Variants in RNF220 observed in about 807,000 individuals in gnomAD.
RNF220 encodes the protein E3 ubiquitin-protein ligase RNF220.
A neutral mutation model predicts 67.1 loss-of-function variants in RNF220; 7 were observed. The observed-to-expected ratio is 0.10, with a 90% CI of 0.06 to 0.20. RNF220 has a LOEUF of 0.20. Among genes scored for constraint, RNF220 ranks in the 10% least tolerant of loss-of-function variants. The pLI is 1.00. For synonymous variants in RNF220, 270 were observed against 283.2 expected (o/e 0.95, Z 0.47); for missense variants, 565 against 740.3 (o/e 0.76, Z 2.75).
At position 44,454,386 on chromosome 1, in the gene RNF220, A is replaced by G. The variant is rs138524626; in HGVS notation, c.625+41664A>G. 2.9e-3 allele frequency among the ~76,000 whole-genome samples: 447 copies of G among 152,250 alleles called. 3 individuals are homozygous for G. Among genetic ancestry groups the G allele is most frequent in the Middle Eastern group, 0.014 (4 of 294 alleles). On this transcript the variant is annotated intron_variant, in intron 2 of 14. Transcript: ENST00000361799. ...GTATACTGGAAAATCATGGAATTTC[A>G]TGTAGATTTTCATTTCTTTAAGAGT...
At chr1:44,530,030 G>T (rs1339769451) in intron 2 of RNF220, among the ~76,000 whole-genome samples, 1 of 151,082 alleles carries the variant, frequency 6.6e-6, no homozygotes, top group Non-Finnish European at 1.5e-5. Flanking sequence ...CTCCAGCCTG[G>T]GTGACAGAGT....
chr1:44,512,851 G>A (rs1362169297), intron 2 of RNF220, among the ~76,000 whole-genome samples: 1 of 152,138 alleles, frequency 6.6e-6, no homozygotes. Context: ...CTTCGGCAGC[G>A]AGTTTCCCAA....
intron 2 of RNF220, among the ~76,000 whole-genome samples, chr1:44,431,637 T>G (rs755716708): frequency 6.6e-6 from 1 of 152,274 alleles, no homozygotes; most frequent in African/African-American, 2.4e-5. Flanking sequence ...TCTATGAAAC[T>G]TTTTCTCCAC....
intron 2 of RNF220, among the ~76,000 whole-genome samples, chr1:44,493,306 G>T (rs1289330233): frequency 2.0e-5 from 3 of 152,168 alleles, no homozygotes; most frequent in Non-Finnish European, 4.4e-5. Flanking sequence ...ACGAGGTCAG[G>T]AGTTCGAGGC....
chr1:44,583,612 A>G (rs1665479659), intron 2 of RNF220, among the ~76,000 whole-genome samples: 1 of 152,266 alleles, frequency 6.6e-6, no homozygotes, highest in Admixed American at 6.5e-5. Context: ...AAAAGAATCA[A>G]AGAACATCAC....
At chr1:44,520,972 T>C (rs1035089021) in intron 2 of RNF220, among the ~76,000 whole-genome samples, 1 of 152,242 alleles carries the variant, frequency 6.6e-6, no homozygotes, top group African/African-American at 2.4e-5. Context: ...CATAGCTAGC[T>C]GTAACCTCAA....
At chr1:44,510,272 A>G (rs1572721906) in intron 2 of RNF220, among the ~76,000 whole-genome samples, 5 of 133,994 alleles carry the variant, frequency 3.7e-5, no homozygotes, top group Non-Finnish European at 3.2e-5. Context: ...GAGAGGAGGG[A>G]GGGAGGGAGA....
chr1:44,468,354 A>G (rs1654469910), intron 2 of RNF220, among the ~76,000 whole-genome samples: 1 of 152,096 alleles, frequency 6.6e-6, no homozygotes, highest in African/African-American at 2.4e-5. Flanking sequence ...CTGTACTGAT[A>G]TGGAAAGGTC....
At position 44,589,559 on chromosome 1, in the gene RNF220, A is replaced by G. The variant is rs270718; in HGVS notation, c.626-24606A>G. ...AACCCAGGAGGAGGAGCTTGCAGTG[A>G]GCTGAGATCATGCCACTGCACTCCA... is the stretch of plus-strand genomic sequence containing the variant. On this transcript the variant is annotated intron_variant, in intron 2 of 14. Transcript: ENST00000361799. Among the ~76,000 whole-genome samples, 583 of 136,464 alleles carry G rather than the reference A, an allele frequency of 4.3e-3. 2 individuals are homozygous for G. Among genetic ancestry groups the G allele is most frequent in the African/African-American group, 0.015 (559 of 37,378 alleles). 89.5% of individuals were successfully genotyped at this position (136,464 alleles called of 152,430 possible).
chr1:44,639,345 C>G (rs536196246), intron 8 of RNF220, among the ~76,000 whole-genome samples: 182 of 152,314 alleles, frequency 1.2e-3, no homozygotes, highest in South Asian at 3.5e-3. Context: ...GAGAGTTCAC[C>G]CAACTGCATT....
At position 44,622,394 on chromosome 1, in the gene RNF220, G is replaced by A. The variant is rs543960406; in HGVS notation, c.759-348G>A. Among the ~76,000 whole-genome samples the A allele has an allele frequency of 3.5e-4, 54 of 152,360 alleles. No homozygotes were observed. The highest frequency in any genetic ancestry group is 1.2e-3 in the African/African-American group (51 of 41,584). ...AGGAGCTAAGAGCGGGCTGGGAACAGGGGGTGGAGAGAAGGGGGTCTCCAG... is the reference window on the plus strand; with the variant it reads ...AGGAGCTAAGAGCGGGCTGGGAACAAGGGGTGGAGAGAAGGGGGTCTCCAG... On this transcript the variant is annotated intron_variant, in intron 3 of 14. Coordinates refer to ENST00000361799, the MANE Select transcript of RNF220 (RefSeq NM_018150.4). The surrounding 1 kb of genome is among the most constrained non-coding windows in gnomAD (Gnocchi z 4.3).
At chr1:44,470,848 G>C (rs1249753279) in intron 2 of RNF220, among the ~76,000 whole-genome samples, 1 of 152,052 alleles carries the variant, frequency 6.6e-6, no homozygotes, top group African/African-American at 2.4e-5. Flanking sequence ...TCAAAAGCTT[G>C]CTGGAAGGAT....
chr1:44,501,683 G>A (rs955523339), intron 2 of RNF220, among the ~76,000 whole-genome samples: 5 of 152,078 alleles, frequency 3.3e-5, no homozygotes, highest in Admixed American at 6.5e-5. Context: ...TCTCCCCTCC[G>A]TTTCTACTCC....
intron 12 of RNF220, among the ~76,000 whole-genome samples, chr1:44,646,593 G>T (rs376985737): frequency 2.0e-5 from 3 of 152,322 alleles, no homozygotes; most frequent in African/African-American, 7.2e-5. Context: ...ACCCACCCTC[G>T]TCTGGAGGGG....
At chr1:44,521,443 A>G (rs1046931295) in intron 2 of RNF220, among the ~76,000 whole-genome samples, 1 of 152,354 alleles carries the variant, frequency 6.6e-6, no homozygotes, top group Non-Finnish European at 1.5e-5. Context: ...GTAGAGAACA[A>G]TATAGAGTCC....
rs1644146380 is a variant in RNF220, at chr1:44,631,985, C to G, written c.907-358C>G. 6 of 1,004,168 alleles carry G rather than the reference C, an allele frequency of 6.0e-6. No homozygotes were observed. In the South Asian group the frequency reaches 2.8e-4, roughly 47 times the overall value. 62.2% of individuals were successfully genotyped at this position (1,004,168 alleles called of 1,614,324 possible). On this transcript the variant is annotated intron_variant, in intron 5 of 14. Coordinates refer to ENST00000361799, the MANE Select transcript of RNF220 (RefSeq NM_018150.4). ...ACGTGATTAGGGCCAACATGGCCGCCGCCGCCGCTTGGAGCTGAAGTGCCG... is the reference window on the plus strand; with the variant it reads ...ACGTGATTAGGGCCAACATGGCCGCGGCCGCCGCTTGGAGCTGAAGTGCCG...
intron 2 of RNF220, among the ~76,000 whole-genome samples, chr1:44,453,673 GTTTT>G (rs1011918014): frequency 2.0e-5 from 3 of 151,546 alleles, no homozygotes; most frequent in African/African-American, 7.3e-5. Flanking sequence ...CATGAAAATT[GTTTT>G]TTTAAGAACA....
At chr1:44,608,611 T>G (rs928109598) in intron 2 of RNF220, among the ~76,000 whole-genome samples, 2 of 152,262 alleles carry the variant, frequency 1.3e-5, no homozygotes, top group African/African-American at 2.4e-5. Flanking sequence ...TGTGTAGTAT[T>G]GACCTACAGC....
At chr1:44,631,751 A>G (rs1228959222) in intron 5 of RNF220, 1 of 277,098 alleles carries the variant, frequency 3.6e-6, no homozygotes, top group Non-Finnish European at 5.5e-6. Flanking sequence ...GGGCGGAAGG[A>G]GCCCCGCAGC....
Sources: gnomAD v4.1 joint callset for allele counts (sites outside exome capture counted in the v4.1 genomes callset) on GRCh38, gnomAD v4.1.1 for gene constraint, Gnocchi (gnomAD v3.1) non-coding constraint, MANE v1.5 for transcripts, NCBI Gene and HGNC (gene_info 2026-07-23, HGNC 2026-07-21) for gene names.